Variants in NKAIN3 observed in about 807,000 individuals in gnomAD.
NKAIN3 encodes the protein sodium/potassium-transporting ATPase subunit beta-1-interacting protein 3.
A neutral mutation model predicts 30.2 loss-of-function variants in NKAIN3; 25 were observed. The observed-to-expected ratio is 0.83, with a 90% CI of 0.60 to 1.16. NKAIN3 has a LOEUF of 1.16. NKAIN3 is among the 50% of genes most tolerant of loss of function. The pLI is 0.00. For synonymous variants in NKAIN3, 91 were observed against 89.6 expected, an observed-to-expected ratio of 1.02 and a Z score of -0.09; for missense variants, 225 against 254.1, an observed-to-expected ratio of 0.89 and a Z score of 0.78.
intron 1 of NKAIN3, among the ~76,000 whole-genome samples, chr8:62,300,772 GGAGCAGT>G (rs1434328538): frequency 1.3e-5 from 2 of 152,120 alleles, no homozygotes; most frequent in Non-Finnish European, 2.9e-5. Flanking sequence ...TTTCTTTTGT[GGAGCAGT>G]GAGTGTGTGA....
chr8:62,787,849 G>GAACAT (rs759456526), intron 4 of NKAIN3, among the ~76,000 whole-genome samples: 1 of 151,954 alleles, frequency 6.6e-6, no homozygotes, highest in Non-Finnish European at 1.5e-5. Flanking sequence ...TCCCTACAAA[G>GAACAT]GATGGGAACT....
intron 1 of NKAIN3, among the ~76,000 whole-genome samples, chr8:62,261,297 T>C (rs1812432387): frequency 6.6e-6 from 1 of 152,206 alleles, no homozygotes; most frequent in South Asian, 2.1e-4. Context: ...ATCCTTTGGT[T>C]TTAATAATAG....
chr8:62,933,860 A>G (rs907632194), intron 5 of NKAIN3, among the ~76,000 whole-genome samples: 1 of 152,204 alleles, frequency 6.6e-6, no homozygotes, highest in African/African-American at 2.4e-5. Flanking sequence ...AACAATACTG[A>G]CACAAAGGCC....
At chr8:62,346,850 G>T (rs150703644) in intron 1 of NKAIN3, among the ~76,000 whole-genome samples, 4 of 152,200 alleles carry the variant, frequency 2.6e-5, no homozygotes, top group Non-Finnish European at 5.9e-5. Flanking sequence ...CAAGGTACTT[G>T]GAATGGGTAC....
intron 1 of NKAIN3, among the ~76,000 whole-genome samples, chr8:62,277,358 C>G (rs1812996669): frequency 6.6e-6 from 1 of 152,062 alleles, no homozygotes; most frequent in Non-Finnish European, 1.5e-5. Context: ...AAACTTAGAC[C>G]TAGGTAGAAT....
intron 4 of NKAIN3, among the ~76,000 whole-genome samples, chr8:62,846,305 A>G (rs1025044680): frequency 1.3e-5 from 2 of 152,066 alleles, no homozygotes; most frequent in Admixed American, 6.6e-5. Context: ...TTCTTTTTCC[A>G]GTTGATTTTT....
chr8:62,993,557 G>A (rs16930055), intron 5 of NKAIN3, among the ~76,000 whole-genome samples: 8,140 of 152,000 alleles, frequency 0.054, 664 homozygotes, highest in African/African-American at 0.18. Flanking sequence ...CCTTTCTCCC[G>A]GCACTGGAAA....
chr8:62,660,114 A>C (rs1812898167), intron 3 of NKAIN3, among the ~76,000 whole-genome samples: 1 of 152,150 alleles, frequency 6.6e-6, no homozygotes, highest in Non-Finnish European at 1.5e-5. Context: ...GCCACTCCCA[A>C]GTTACCAACT....
chr8:62,506,987 A>G (rs746321173), intron 1 of NKAIN3, among the ~76,000 whole-genome samples: 4 of 152,180 alleles, frequency 2.6e-5, no homozygotes, highest in African/African-American at 7.2e-5. Flanking sequence ...CCATAAAAAT[A>G]TCTACCAACC....
At chr8:62,745,326 A>G (rs1378688855) in intron 3 of NKAIN3, among the ~76,000 whole-genome samples, 1 of 152,232 alleles carries the variant, frequency 6.6e-6, no homozygotes, top group Non-Finnish European at 1.5e-5. Context: ...AAAGTCACGT[A>G]CGGACCCTGC....
intron 1 of NKAIN3, among the ~76,000 whole-genome samples, chr8:62,372,292 T>C (rs1200674400): frequency 1.3e-5 from 2 of 151,966 alleles, no homozygotes; most frequent in Non-Finnish European, 2.9e-5. Context: ...CTGAAGATTA[T>C]TAATCTTCAG....
intron 1 of NKAIN3, among the ~76,000 whole-genome samples, chr8:62,513,704 CA>C (rs892749556): frequency 2.4e-4 from 36 of 151,150 alleles, no homozygotes; most frequent in Non-Finnish European, 3.8e-4. Flanking sequence ...CCCATCTCTA[CA>C]AAAAAAGATA....
Position 62,682,751 on chromosome 8 carries a change from G to A in NKAIN3, c.274-64181G>A, listed in dbSNP as rs563609212. On this transcript the variant is annotated intron_variant, in intron 3 of 6. Transcript: ENST00000623646. ...TGGCAACCTGCATTACACAGCAGAG[G>A]CAGCCATAATCTTCCTGGGAACATA... 9.9e-4 allele frequency among the ~76,000 whole-genome samples: 151 copies of A among 152,162 alleles called. 4 individuals carry two copies. The highest frequency in any genetic ancestry group is 7.4e-5 in the Non-Finnish European group (5 of 68,012).
intron 3 of NKAIN3, among the ~76,000 whole-genome samples, chr8:62,688,716 A>G (rs917224991): frequency 6.7e-6 from 1 of 150,146 alleles, no homozygotes; most frequent in Non-Finnish European, 1.5e-5. Flanking sequence ...AATCTCACAC[A>G]TAGACACAGA....
At chr8:62,961,017 T>C (rs911729470) in intron 6 of NKAIN3, among the ~76,000 whole-genome samples, 7 of 152,126 alleles carry the variant, frequency 4.6e-5, no homozygotes, top group African/African-American at 7.2e-5. Context: ...TGGTGGCTCA[T>C]GCCTGTAATC....
intron 1 of NKAIN3, among the ~76,000 whole-genome samples, chr8:62,545,943 T>G (rs1808996233): frequency 6.6e-6 from 1 of 152,210 alleles, no homozygotes; most frequent in African/African-American, 2.4e-5. Flanking sequence ...CTTCAAACTC[T>G]TACTAATACT....
intron 4 of NKAIN3, among the ~76,000 whole-genome samples, chr8:62,917,475 C>G (rs754892861): frequency 6.6e-6 from 1 of 152,148 alleles, no homozygotes; most frequent in Non-Finnish European, 1.5e-5. Context: ...TGGCCTTTGT[C>G]CAGACAGTCC....
intron 5 of NKAIN3, among the ~76,000 whole-genome samples, chr8:62,946,641 A>G (rs1441489427): frequency 6.6e-6 from 1 of 152,216 alleles, no homozygotes; most frequent in Non-Finnish European, 1.5e-5. Context: ...ATCACGGAAC[A>G]AGAAAATCAC....
chr8:62,524,276 A>G (rs1464770594), intron 1 of NKAIN3, among the ~76,000 whole-genome samples: 1 of 152,000 alleles, frequency 6.6e-6, no homozygotes, highest in African/African-American at 2.4e-5. Context: ...AAAGATTTTA[A>G]GGCAAGTAAT....
Sources: gnomAD v4.1 joint callset for allele counts (sites outside exome capture counted in the v4.1 genomes callset) on GRCh38, gnomAD v4.1.1 for gene constraint, MANE v1.5 for transcripts, NCBI Gene and HGNC (gene_info 2026-07-23, HGNC 2026-07-21) for gene names.